The following DCDC2 variants were observed in gnomAD, a reference collection of about 807,000 sequenced individuals.
The protein encoded by DCDC2 is doublecortin domain-containing protein 2.
Under a neutral mutation model 50.2 loss-of-function variants are expected in DCDC2, and 40 were observed. The observed-to-expected ratio is 0.80, with a 90% CI of 0.62 to 1.04. DCDC2 has a LOEUF of 1.04. Ranked by LOEUF, DCDC2 falls within the 50% of genes least tolerant of loss-of-function variation. The pLI, the probability that DCDC2 is intolerant of heterozygous loss-of-function variation, is 0.00. For synonymous variants in DCDC2, 234 were observed against 210.6 expected (o/e 1.11, Z -0.96); for missense variants, 570 against 581.9 (o/e 0.98, Z 0.21).
chr6:24,235,258 A>G (rs1037239376), intron 7 of DCDC2, among the ~76,000 whole-genome samples: 1 of 152,230 alleles, frequency 6.6e-6, no homozygotes, highest in East Asian at 1.9e-4. Context: ...TGGGGGAGAT[A>G]AGACATGGAC....
chr6:24,236,017 A>G (rs548369948), intron 7 of DCDC2, among the ~76,000 whole-genome samples: 6 of 152,338 alleles, frequency 3.9e-5, no homozygotes, highest in Non-Finnish European at 5.9e-5. Flanking sequence ...TAAAATGGTC[A>G]CAATGCCCAA....
intron 7 of DCDC2, among the ~76,000 whole-genome samples, chr6:24,224,324 A>G (rs1762182488): frequency 1.3e-5 from 2 of 152,230 alleles, no homozygotes; most frequent in African/African-American, 4.8e-5. Flanking sequence ...AAAGAACCAG[A>G]GCCCTGCGCT....
chr6:24,319,855 C>T (rs1581650590), intron 2 of DCDC2, among the ~76,000 whole-genome samples: 1 of 152,082 alleles, frequency 6.6e-6, no homozygotes, highest in African/African-American at 2.4e-5. Flanking sequence ...AGCAACCCTT[C>T]TCTCAGTATA....
At chr6:24,366,928 G>C in the DCDC2 span, among the ~76,000 whole-genome samples, 12 of 151,966 alleles carry the variant, frequency 7.9e-5, no homozygotes, top group Middle Eastern at 6.8e-3. Flanking sequence ...CAACTTCTAG[G>C]CTTAAGCAAT....
intron 7 of DCDC2, among the ~76,000 whole-genome samples, chr6:24,212,681 C>A (rs560350346): frequency 9.2e-5 from 14 of 152,266 alleles, no homozygotes; most frequent in South Asian, 8.3e-4. Flanking sequence ...CACACTACAC[C>A]CAAATTCAGC....
the DCDC2 span, among the ~76,000 whole-genome samples, chr6:24,368,776 T>C: frequency 1.3e-5 from 2 of 152,080 alleles, no homozygotes; most frequent in Non-Finnish European, 2.9e-5. Flanking sequence ...ATATTTTAAA[T>C]GACTACAGGA....
At chr6:24,194,823 T>C (rs1761396156) in intron 8 of DCDC2, among the ~76,000 whole-genome samples, 1 of 152,184 alleles carries the variant, frequency 6.6e-6, no homozygotes, top group African/African-American at 2.4e-5. Flanking sequence ...AAGAGTATCT[T>C]AGGCTTATTA....
At chr6:24,222,850 T>C (rs1233738241) in intron 7 of DCDC2, among the ~76,000 whole-genome samples, 1 of 152,250 alleles carries the variant, frequency 6.6e-6, no homozygotes, top group Non-Finnish European at 1.5e-5. Flanking sequence ...TACAAAGTTC[T>C]ATTATTAAAG....
intron 7 of DCDC2, among the ~76,000 whole-genome samples, chr6:24,238,041 T>C (rs1407601023): frequency 2.4e-5 from 3 of 126,654 alleles, no homozygotes; most frequent in African/African-American, 6.1e-5. Flanking sequence ...ACCCCTGTAA[T>C]AAACCTGCAC....
In DCDC2 at chr6:24,222,451, TG is replaced by T. The variant is rs1405775032; in HGVS notation, c.923-17350del. ...CTTTTTTCCTAACTTAGGGTTTAGCTGTTGGAATCCTTCTGTAAAAGGCATA... is the reference window on the plus strand; with the variant it reads ...CTTTTTTCCTAACTTAGGGTTTAGCTTTGGAATCCTTCTGTAAAAGGCATA... On this transcript the variant is annotated intron_variant, in intron 7 of 9. Transcript: ENST00000378454. Among the ~76,000 whole-genome samples the T allele has an allele frequency of 2.6e-5, 4 of 152,238 alleles. No individual in the cohort carries two copies. The East Asian group carries it at 7.7e-4, about 29-fold the overall frequency.
chr6:24,307,586 AAG>A (rs1759496451), intron 2 of DCDC2, among the ~76,000 whole-genome samples: 1 of 152,210 alleles, frequency 6.6e-6, no homozygotes. Flanking sequence ...CACAGCATCA[AAG>A]AGAACAAAAT....
intron 8 of DCDC2, among the ~76,000 whole-genome samples, chr6:24,185,382 A>G (rs773622151): frequency 1.3e-5 from 2 of 152,210 alleles, no homozygotes; most frequent in Non-Finnish European, 2.9e-5. Context: ...AAGAAATGCA[A>G]GATTATCGTG....
At chr6:24,178,714 T>C in intron 8 of DCDC2, 82 bp from the exon 9 acceptor site, 1 of 1,304,382 alleles carries the variant, frequency 7.7e-7, no homozygotes, top group Non-Finnish European at 1.1e-6. Flanking sequence ...ATGTAATACT[T>C]ATATTACAGT....
chr6:24,198,315 T>C (rs1043698466), intron 8 of DCDC2, among the ~76,000 whole-genome samples: 4 of 152,104 alleles, frequency 2.6e-5, no homozygotes, highest in Non-Finnish European at 4.4e-5. Context: ...GCTCATCTCA[T>C]TGGGACTGGT....
At chr6:24,246,966 G>A (rs188397837) in intron 7 of DCDC2, among the ~76,000 whole-genome samples, 14 of 152,230 alleles carry the variant, frequency 9.2e-5, no homozygotes, top group Admixed American at 5.2e-4. Flanking sequence ...ACTTTTCATT[G>A]TAAAATCAGA....
chr6:24,178,381 C>A lies in DCDC2; in HGVS notation c.1275G>T (p.Leu425=), dbSNP rs534996877. 27 of 1,614,160 alleles carry A rather than the reference C, an allele frequency of 1.7e-5. No individual in the cohort carries two copies. The highest frequency in any genetic ancestry group is 1.5e-4 in the Admixed American group (9 of 60,024). Residue 425 remains leucine, a synonymous_variant, in exon 9 of 10, where the codon CTG becomes CTT. Transcript: ENST00000378454. ...GAGACTTTCTTTCCTTGTCTAGGAC[C>A]AGTTGAAGCTCATTATTAACCTGCT... The part of the protein sequence containing the change: ...ELQQVNNELQ[L]VLDKERKSQG...
rs1024227562 is a variant in DCDC2 at position 24,176,029 on chromosome 6, G to A, written c.1327-1195C>T. On this transcript the variant is annotated intron_variant, in intron 9 of 9. Coordinates refer to ENST00000378454, the MANE Select transcript of DCDC2 (RefSeq NM_016356.5). Reference sequence around the variant, plus strand: ...CTAATTAGGCCGGGCATGGTGGCACGTGGCTGTAATCTCATCACTTTGAGA... The same window carrying A: ...CTAATTAGGCCGGGCATGGTGGCACATGGCTGTAATCTCATCACTTTGAGA... 6.6e-5 allele frequency among the ~76,000 whole-genome samples: 10 copies of A among 152,084 alleles called. No homozygotes were observed. In the East Asian group the frequency reaches 7.7e-4, roughly 12 times the overall value.
intron 4 of DCDC2, 115 bp from the exon 5 acceptor site, chr6:24,291,193 C>A: frequency 9.7e-7 from 1 of 1,033,904 alleles, no homozygotes; most frequent in Middle Eastern, 2.8e-4. Context: ...TAAATAAAAA[C>A]ATTCTGTACT....
intron 7 of DCDC2, among the ~76,000 whole-genome samples, chr6:24,250,746 GA>G (rs140392052): frequency 0.11 from 16,324 of 147,216 alleles, 958 homozygotes; most frequent in Middle Eastern, 0.16. Flanking sequence ...ATTAATTCAA[GA>G]AAAAAAAAAC....
Sources: allele counts gnomAD v4.1 joint callset (sites outside exome capture counted in the v4.1 genomes callset), GRCh38; gene constraint gnomAD v4.1.1; transcripts MANE v1.5; gene names NCBI Gene and HGNC (gene_info 2026-07-23, HGNC 2026-07-21).